SYNE1: variants seen among roughly 807,000 people sequenced by gnomAD.
The protein encoded by SYNE1 is spectrin repeat containing nuclear envelope protein 1, also known as nesprin-1.
Under a neutral mutation model 1,111.0 loss-of-function variants are expected in SYNE1, and 616 were observed. The ratio of observed to expected loss-of-function variants is 0.55; its 90% CI spans 0.52 to 0.59. The LOEUF (loss-of-function observed/expected upper bound fraction) is 0.59. Among genes scored for constraint, SYNE1 ranks in the 20% least tolerant of loss-of-function variants. The pLI is 0.00. For missense variants in SYNE1, 10,006 were observed against 10,417.0 expected, an observed-to-expected ratio of 0.96 and a Z score of 1.72; for synonymous variants, 3,855 against 3,825.8, an observed-to-expected ratio of 1.01 and a Z score of -0.28.
chr6:152,473,143 C>T lies in SYNE1; in HGVS notation c.1351-730G>A, dbSNP rs552530053. Among the ~76,000 whole-genome samples, 6 of 152,244 alleles carry T rather than the reference C, an allele frequency of 3.9e-5. No individual in the cohort carries two copies. The South Asian group carries it at 1.2e-3, about 32-fold the overall frequency. On this transcript the variant is annotated intron_variant, in intron 14 of 145. Coordinates refer to ENST00000367255, the MANE Select transcript of SYNE1 (RefSeq NM_182961.4). ...TCTAAAAAGATGTACATGTATTTTA[C>T]ACTCCCTCACCAATTTCTCACATAG...
chr6:152,539,486 G>A (rs2099259125), intron 4 of SYNE1, among the ~76,000 whole-genome samples: 1 of 152,096 alleles, frequency 6.6e-6, no homozygotes, highest in African/African-American at 2.4e-5. Flanking sequence ...AATGATTTTA[G>A]CCTTTTCATG....
At chr6:152,574,742 A>G (rs2099489552) in intron 3 of SYNE1, among the ~76,000 whole-genome samples, 1 of 152,190 alleles carries the variant, frequency 6.6e-6, no homozygotes, top group South Asian at 2.1e-4. Context: ...TAAGGTAATC[A>G]AAGTAATTTT....
intron 116 of SYNE1, 45 bp downstream of exon 116, chr6:152,225,676 C>G (rs755801858): frequency 1.9e-6 from 3 of 1,613,290 alleles, no homozygotes. Flanking sequence ...TTGGACAGAG[C>G]TGGCAAACAC....
chr6:152,315,367 A>G (rs9371248), intron 87 of SYNE1: 25,558 of 151,880 alleles, frequency 0.17, 2,833 homozygotes, highest in East Asian at 0.64. Context: ...ATGCCCAGCT[A>G]ACTTTTGTAT....
Position 152,416,438 on chromosome 6 carries a change from C to T in SYNE1, c.5999G>A (p.Arg2000Lys), listed in dbSNP as rs149146258. ...TTCTTTCAATCGCTCTTTGTCAGTCCTTTCTTCAATGTCCTCAATGCTTTT... is the reference window on the plus strand; with the variant it reads ...TTCTTTCAATCGCTCTTTGTCAGTCTTTTCTTCAATGTCCTCAATGCTTTT... Reference protein sequence around the residue: ...LLKSIEDIEERTDKERLKEPT... With the variant: ...LLKSIEDIEEKTDKERLKEPT... The change falls in exon 41 of 146, where the codon AGG (arginine) becomes AAG (lysine). Residue 2000 changes from arginine to lysine, a missense_variant. Coordinates refer to ENST00000367255, the MANE Select transcript of SYNE1 (RefSeq NM_182961.4). The T allele has an allele frequency of 1.9e-3, 3,008 of 1,614,162 alleles. 5 individuals are homozygous for T. Among genetic ancestry groups the T allele is most frequent in the Non-Finnish European group, 2.1e-3 (2,527 of 1,180,036 alleles).
At chr6:152,458,619 G>T in intron 22 of SYNE1, 138 bp downstream of exon 22, 1 of 826,630 alleles carries the variant, frequency 1.2e-6, no homozygotes, top group Non-Finnish European at 1.9e-6. Flanking sequence ...GACAAGACAT[G>T]TATTTTTGTT....
chr6:152,163,611 C>T (rs1245890228), intron 131 of SYNE1, among the ~76,000 whole-genome samples: 4 of 151,894 alleles, frequency 2.6e-5, no homozygotes, highest in South Asian at 2.1e-4. Flanking sequence ...GGTTGTACGC[C>T]GCCAGTGAGA....
Position 152,330,471 on chromosome 6 carries a change from T to G in SYNE1, c.14214A>C (p.Glu4738Asp). ...EAVDELNQKKEGFRSTGQPWQ... is the reference protein window; with the variant it reads ...EAVDELNQKKDGFRSTGQPWQ... ...AAGGCTGACCTGTGCTGCGAAAACC[T>G]TCTTTTTTCTGGTTCAGTTCATCCA... The change falls in exon 78 of 146, where the codon GAA (glutamate) becomes GAC (aspartate). Residue 4738 changes from glutamate to aspartate, a missense_variant. This residue lies in a region of SYNE1 where 4,955 missense variants were observed against 5,017.2 expected (regional missense o/e 0.99). Transcript: ENST00000367255. The G allele has an allele frequency of 6.2e-7, 1 of 1,614,150 alleles. No homozygotes were observed. The highest frequency in any genetic ancestry group is 8.5e-7 in the Non-Finnish European group (1 of 1,180,026).
At position 152,436,121 on chromosome 6, in the gene SYNE1, C is replaced by T. The variant is rs372652425; in HGVS notation, c.4150-20G>A. The T allele has an allele frequency of 1.2e-6, 2 of 1,612,876 alleles. No individual in the cohort carries two copies. The highest frequency in any genetic ancestry group is 2.7e-5 in the African/African-American group (2 of 74,854). On this transcript the variant is annotated intron_variant, in intron 32 of 145. Coordinates refer to ENST00000367255, the MANE Select transcript of SYNE1 (RefSeq NM_182961.4). ...AAACTCCTAGAAAAAATATTATGAT[C>T]ATTAGGTAGGCACTTTATATTATTT...
chr6:152,264,477 T>C lies in SYNE1; in HGVS notation c.18816-2289A>G, dbSNP rs114009315. Among the ~76,000 whole-genome samples, 309 of 152,170 alleles carry C rather than the reference T, an allele frequency of 2.0e-3. 1 individual carries two copies. The highest frequency in any genetic ancestry group is 7.3e-3 in the African/African-American group (303 of 41,546). Reference sequence around the variant, plus strand: ...ATGTAAACACAACAGTGTCTTTAGATAAGTCTCTAGAAATAAGACTTAAAA... The same window carrying C: ...ATGTAAACACAACAGTGTCTTTAGACAAGTCTCTAGAAATAAGACTTAAAA... On this transcript the variant is annotated intron_variant, in intron 100 of 145. Transcript: ENST00000367255.
intron 6 of SYNE1, among the ~76,000 whole-genome samples, chr6:152,512,338 A>G (rs1283343350): frequency 6.6e-6 from 1 of 152,170 alleles, no homozygotes; most frequent in Non-Finnish European, 1.5e-5. Context: ...CTTTGAATCA[A>G]TCAGTATAAG....
chr6:152,207,713 G>A (rs776031669), intron 125 of SYNE1, among the ~76,000 whole-genome samples: 14 of 152,190 alleles, frequency 9.2e-5, no homozygotes, highest in Non-Finnish European at 1.6e-4. Context: ...TTTCATCCCT[G>A]CTGGGATTTA....
intron 141 of SYNE1, among the ~76,000 whole-genome samples, 189 bp from the exon 142 acceptor site, chr6:152,135,421 C>T (rs2056835376): frequency 6.6e-6 from 1 of 152,188 alleles, no homozygotes; most frequent in African/African-American, 2.4e-5. Flanking sequence ...CCAAAAGCAT[C>T]TAATTTATTA....
chr6:152,147,599 G>A (rs112107672), intron 137 of SYNE1: 303 of 160,194 alleles, frequency 1.9e-3, no homozygotes, highest in African/African-American at 6.4e-3. Context: ...AAGCACTTCC[G>A]AGCCCACCTG....
chr6:152,434,079 A>G (rs1480642197), intron 33 of SYNE1, 134 bp from the exon 34 acceptor site: 2 of 643,542 alleles, frequency 3.1e-6, no homozygotes, highest in Non-Finnish European at 4.9e-6. Context: ...TATTCACGCT[A>G]AAAAAAAAAT....
rs781645753 is a variant in SYNE1 at position 152,218,300 on chromosome 6, G to A, written c.22148C>T (p.Ser7383Leu). The A allele has an allele frequency of 1.9e-6, 3 of 1,614,114 alleles. No homozygotes were observed. The South Asian group carries it at 3.3e-5, about 18-fold the overall frequency. Residue 7383 changes from serine to leucine, a missense_variant, in exon 121 of 146, where the codon TCA (serine) becomes TTA (leucine). Ser to Leu is a moderately radical substitution (Grantham distance 145, BLOSUM62 -2). This residue lies in a region of SYNE1 where 2,182 missense variants were observed against 2,287.8 expected (regional missense o/e 0.95). Coordinates refer to ENST00000367255, the MANE Select transcript of SYNE1 (RefSeq NM_182961.4). ...TTCCTGGATTGTGGAGAGGTCAGAT[G>A]AGTGGCTAGGGTCCTGCCCTTGTAG... ...EILQGQDPSH[S>L]SDLSTIQERM...
chr6:152,225,933 C>T, intron 115 of SYNE1, 57 bp from the exon 116 acceptor site: 2 of 1,559,260 alleles, frequency 1.3e-6, no homozygotes, highest in Non-Finnish European at 1.7e-6. Flanking sequence ...CTCTGGGGTG[C>T]ACTGAAATTG....
chr6:152,175,400 G>C (rs1411145479), intron 130 of SYNE1, among the ~76,000 whole-genome samples: 6 of 152,174 alleles, frequency 3.9e-5, no homozygotes, highest in Admixed American at 2.6e-4. Context: ...GGTACGCAGA[G>C]GACATTGTTT....
intron 90 of SYNE1, among the ~76,000 whole-genome samples, chr6:152,309,365 G>A (rs2095480218): frequency 6.6e-6 from 1 of 152,068 alleles, no homozygotes. Context: ...ATTTCTTCCT[G>A]GTAAATGATT....
Sources: allele counts gnomAD v4.1 joint callset (sites outside exome capture counted in the v4.1 genomes callset), GRCh38; gene constraint gnomAD v4.1.1; regional missense constraint gnomAD v4.1.1; transcripts MANE v1.5; gene names NCBI Gene and HGNC (gene_info 2026-07-23, HGNC 2026-07-21).